INPP5A: variants seen among roughly 807,000 people sequenced by gnomAD.
The protein encoded by INPP5A is 43 kDa inositol polyphosphate 5-phophatase.
In INPP5A, 14 loss-of-function variants were observed where a neutral mutation model predicts 65.2. The observed-to-expected ratio is 0.21, with a 90% CI of 0.14 to 0.34. The LOEUF (loss-of-function observed/expected upper bound fraction) is 0.34, where lower values mean the gene tolerates loss of function less well. Ranked by LOEUF, INPP5A falls within the 10% of genes least tolerant of loss-of-function variation. The pLI is 1.00. For synonymous variants in INPP5A, 207 were observed against 208.3 expected, an observed-to-expected ratio of 0.99 and a Z score of 0.05; for missense variants, 431 against 545.6, an observed-to-expected ratio of 0.79 and a Z score of 2.09.
intron 1 of INPP5A, among the ~76,000 whole-genome samples, chr10:132,606,830 T>C (rs2071860958): frequency 6.6e-6 from 1 of 152,228 alleles, no homozygotes; most frequent in Admixed American, 6.5e-5. Flanking sequence ...GTTTATTGTT[T>C]TTAATCGCGG....
chr10:132,760,382 G>A (rs1172467243), intron 11 of INPP5A, among the ~76,000 whole-genome samples: 1 of 152,242 alleles, frequency 6.6e-6, no homozygotes, highest in Non-Finnish European at 1.5e-5. Context: ...GTCCTTCTGG[G>A]CTCCAGAGCT....
intron 4 of INPP5A, among the ~76,000 whole-genome samples, chr10:132,670,727 C>T (rs1269853105): frequency 6.6e-6 from 1 of 152,018 alleles, no homozygotes; most frequent in African/African-American, 2.4e-5. Context: ...TGTGCCGGGT[C>T]ACCCCTGTGA....
chr10:132,725,641 C>G (rs761964769), intron 8 of INPP5A, among the ~76,000 whole-genome samples: 3 of 152,224 alleles, frequency 2.0e-5, no homozygotes, highest in Admixed American at 2.0e-4. Context: ...TCCAAGAGGG[C>G]ACAGTGCTCC....
At chr10:132,623,463 T>G (rs2072134468) in intron 2 of INPP5A, among the ~76,000 whole-genome samples, 1 of 152,108 alleles carries the variant, frequency 6.6e-6, no homozygotes, top group Non-Finnish European at 1.5e-5. Context: ...GTTGAGAATT[T>G]TAATACTTTA....
intron 4 of INPP5A, among the ~76,000 whole-genome samples, chr10:132,653,262 G>T (rs964878450): frequency 3.3e-5 from 5 of 152,208 alleles, no homozygotes; most frequent in Admixed American, 3.3e-4. Context: ...CCTCCTTCAG[G>T]CTCCCGAGGG....
chr10:132,673,447 C>T (rs1160898966), intron 4 of INPP5A, among the ~76,000 whole-genome samples: 5 of 152,174 alleles, frequency 3.3e-5, no homozygotes, highest in African/African-American at 1.2e-4. Context: ...GCATCCATGG[C>T]CCTCTGGAGA....
intron 4 of INPP5A, among the ~76,000 whole-genome samples, chr10:132,653,521 G>A (rs2072609057): frequency 6.6e-6 from 1 of 152,144 alleles, no homozygotes; most frequent in Admixed American, 6.5e-5. Flanking sequence ...CCTGGCCCTG[G>A]GTGGTTCCAG....
intron 1 of INPP5A, among the ~76,000 whole-genome samples, chr10:132,588,012 CAAAAAAAAA>C (rs796469034): frequency 2.5e-3 from 140 of 55,916 alleles, no homozygotes; most frequent in African/African-American, 0.011. Context: ...AACTCCATCT[CAAAAAAAAA>C]AAAAAAAAAA....
At chr10:132,748,307 C>T (rs1036547126) in intron 9 of INPP5A, among the ~76,000 whole-genome samples, 4 of 152,344 alleles carry the variant, frequency 2.6e-5, no homozygotes, top group African/African-American at 7.2e-5. Context: ...TGCCCTCCTC[C>T]ACCCACACCA....
chr10:132,557,731 C>A (rs771080819), intron 1 of INPP5A, among the ~76,000 whole-genome samples: 48 of 152,284 alleles, frequency 3.2e-4, no homozygotes, highest in Middle Eastern at 6.8e-3. Flanking sequence ...CCGAGTGTCT[C>A]GGGCTGCAGG....
intron 9 of INPP5A, among the ~76,000 whole-genome samples, chr10:132,739,303 C>A (rs1416806040): frequency 6.6e-6 from 1 of 152,234 alleles, no homozygotes; most frequent in African/African-American, 2.4e-5. Context: ...CCACCCTGGC[C>A]TCCCGGCCTC....
At chr10:132,758,251 C>T (rs1404515225) in intron 11 of INPP5A, among the ~76,000 whole-genome samples, 1 of 129,564 alleles carries the variant, frequency 7.7e-6, no homozygotes, top group Non-Finnish European at 1.7e-5. Context: ...GACCCCACAG[C>T]CCGGCACCAT....
chr10:132,719,943 G>A (rs1402043685), intron 8 of INPP5A, among the ~76,000 whole-genome samples: 5 of 150,190 alleles, frequency 3.3e-5, no homozygotes, highest in African/African-American at 1.2e-4. Context: ...GCTGTCTTCA[G>A]GGTTCTGTGG....
intron 1 of INPP5A, among the ~76,000 whole-genome samples, chr10:132,567,827 T>C (rs1300740880): frequency 6.6e-6 from 1 of 152,188 alleles, no homozygotes; most frequent in Non-Finnish European, 1.5e-5. Context: ...TATACTGAAT[T>C]ATATGCTTTC....
At position 132,663,147 on chromosome 10, in the gene INPP5A, CAG is replaced by C. The variant is rs2072757930; in HGVS notation, c.306+12645_306+12646del. 6.6e-6 allele frequency among the ~76,000 whole-genome samples: 1 copy of C among 152,218 alleles called. No homozygotes were observed. Among genetic ancestry groups the C allele is most frequent in the African/African-American group, 2.4e-5 (1 of 41,448 alleles). On this transcript the variant is annotated intron_variant, in intron 4 of 15. Coordinates refer to ENST00000368594, the MANE Select transcript of INPP5A (RefSeq NM_005539.5). This position sits in a 1 kb window ranked among gnomAD's most constrained non-coding sequence, Gnocchi z 4.5. ...CTCGGCACGCCGCAGGACATAACGG[CAG>C]AGTGTGAGTAATTTTCCATTTTATA...
intron 9 of INPP5A, among the ~76,000 whole-genome samples, chr10:132,743,855 ACAGG>A (rs548124880): frequency 6.0e-4 from 91 of 152,350 alleles, no homozygotes; most frequent in African/African-American, 2.0e-3. Context: ...CGGGGCTCAG[ACAGG>A]CAGGCTGGGG....
rs1249513930 is a variant in INPP5A at position 132,697,448 on chromosome 10, C to T, written c.371-368C>T. On this transcript the variant is annotated intron_variant, in intron 5 of 15. Coordinates refer to ENST00000368594, the MANE Select transcript of INPP5A (RefSeq NM_005539.5). The surrounding 1 kb of genome is among the most constrained non-coding windows in gnomAD (Gnocchi z 5.6). ...TGGAGGCTGGATACGGGGAGGAAAT[C>T]GATGTTATTAAATAAATTCATGTGA... Among the ~76,000 whole-genome samples the T allele has an allele frequency of 6.6e-6, 1 of 152,212 alleles. No individual in the cohort carries two copies. Among genetic ancestry groups the T allele is most frequent in the Non-Finnish European group, 1.5e-5 (1 of 68,036 alleles).
Position 132,726,940 on chromosome 10 carries a change from G to A in INPP5A, c.732+35G>A. On this transcript the variant is annotated intron_variant, in intron 9 of 15. Coordinates refer to ENST00000368594, the MANE Select transcript of INPP5A (RefSeq NM_005539.5). ...GGCTTCCCTCCCGCCCTGGTCTCAT[G>A]CCTTGCTCTGTGTTGAGGAAAACAG... 6 of 1,484,900 alleles carry A rather than the reference G, an allele frequency of 4.0e-6. 1 individual carries two copies. The highest frequency in any genetic ancestry group is 3.5e-5 in the South Asian group (3 of 84,940). The allele number at this position is 1,484,900 out of a possible 1,614,324, so 92.0% of individuals were successfully genotyped here.
At chr10:132,716,567 A>G (rs964909444) in intron 8 of INPP5A, among the ~76,000 whole-genome samples, 2 of 152,088 alleles carry the variant, frequency 1.3e-5, no homozygotes, top group African/African-American at 4.8e-5. Context: ...AGACAGGACG[A>G]TGCCTGTGCT....
Sources: allele counts gnomAD v4.1 joint callset (sites outside exome capture counted in the v4.1 genomes callset), GRCh38; gene constraint gnomAD v4.1.1; non-coding constraint Gnocchi (gnomAD v3.1); transcripts MANE v1.5; gene names NCBI Gene and HGNC (gene_info 2026-07-23, HGNC 2026-07-21).